The following ATR variants were observed in gnomAD, a reference collection of about 807,000 sequenced individuals.
The protein encoded by ATR is serine/threonine-protein kinase ATR.
In ATR, 142 loss-of-function variants were observed where a neutral mutation model predicts 305.3. The observed-to-expected ratio is 0.47, with a 90% CI of 0.41 to 0.53. ATR has a LOEUF of 0.53. ATR is among the 20% of genes least tolerant of loss of function. ATR has a pLI of 0.00. For synonymous variants in ATR, 1,050 were observed against 1,068.1 expected (o/e 0.98, Z 0.33); for missense variants, 2,135 against 3,133.1 (o/e 0.68, Z 7.60).
chr3:142,480,193 CT>C (rs1237748046), intron 36 of ATR, among the ~76,000 whole-genome samples: 1 of 152,290 alleles, frequency 6.6e-6, no homozygotes, highest in Admixed American at 6.5e-5. Context: ...TTTTTCTGTT[CT>C]GTTTTTTCCC....
chr3:142,499,576 G>T, intron 31 of ATR, 51 bp downstream of exon 31: 1 of 1,555,764 alleles, frequency 6.4e-7, no homozygotes, highest in Non-Finnish European at 8.9e-7. Context: ...TTACAGGCGT[G>T]AGCCACCGCA....
chr3:142,577,605 C>T (rs2035481932), intron 1 of ATR, among the ~76,000 whole-genome samples: 1 of 152,148 alleles, frequency 6.6e-6, no homozygotes, highest in South Asian at 2.1e-4. Context: ...TTTGGATGGC[C>T]AACCAGTGGA....
chr3:142,485,705 A>G (rs2030874556), intron 35 of ATR, among the ~76,000 whole-genome samples: 1 of 152,210 alleles, frequency 6.6e-6, no homozygotes, highest in East Asian at 1.9e-4. Flanking sequence ...GTCTCTAAAG[A>G]GTGTAGGACT....
chr3:142,525,305 T>C (rs957149848), intron 21 of ATR, among the ~76,000 whole-genome samples: 2 of 152,212 alleles, frequency 1.3e-5, no homozygotes, highest in Non-Finnish European at 2.9e-5. Flanking sequence ...GGCTACAAAG[T>C]ATATTAATGT....
In ATR at chr3:142,469,335, A is replaced by G; in HGVS notation, c.6552+2T>C. The G allele has an allele frequency of 6.2e-7, 1 of 1,610,178 alleles. No individual in the cohort carries two copies. The highest frequency in any genetic ancestry group is 8.5e-7 in the Non-Finnish European group (1 of 1,176,780). On this transcript the variant is annotated splice_donor_variant, in intron 38 of 46. Transcript: ENST00000350721. LOFTEE classifies it high-confidence loss of function. ...ATATAAAAAGGTAAAAGACCCTTTT[A>G]CCTTTGACACAGCTGTCATCATCCA...
At chr3:142,567,298 T>C (rs1476659302) in intron 2 of ATR, among the ~76,000 whole-genome samples, 5 of 152,178 alleles carry the variant, frequency 3.3e-5, no homozygotes, top group Non-Finnish European at 1.5e-5. Flanking sequence ...AAATGATTCC[T>C]AGATGAGGAG....
At chr3:142,470,225 A>G (rs747447395) in intron 36 of ATR, 42 bp from the exon 37 acceptor site, 2 of 1,431,672 alleles carry the variant, frequency 1.4e-6, no homozygotes, top group Non-Finnish European at 1.9e-6. Flanking sequence ...CATAGCTGTC[A>G]TTTTTATATT....
intron 46 of ATR, chr3:142,452,720 T>C: frequency 9.4e-7 from 1 of 1,066,136 alleles, no homozygotes; most frequent in African/African-American, 1.7e-5. Context: ...AACAAAACTA[T>C]CTGCAAACTT....
At chr3:142,457,867 T>C in intron 44 of ATR, 112 bp from the exon 45 acceptor site, 1 of 1,193,980 alleles carries the variant, frequency 8.4e-7, no homozygotes, top group Non-Finnish European at 1.2e-6. Context: ...ACCCTCAAAA[T>C]ATTTATGTTG....
chr3:142,450,853 G>A (rs900610092), intron 46 of ATR: 1 of 1,346,842 alleles, frequency 7.4e-7, no homozygotes, highest in Non-Finnish European at 9.6e-7. Flanking sequence ...ATTTCTGGAA[G>A]TGTTCTCCGA....
chr3:142,527,497 G>A (rs1268566131), intron 21 of ATR, among the ~76,000 whole-genome samples: 2 of 151,894 alleles, frequency 1.3e-5, no homozygotes, highest in Non-Finnish European at 2.9e-5. Flanking sequence ...TGTGTAAAAG[G>A]GTACAAAGTA....
intron 35 of ATR, among the ~76,000 whole-genome samples, chr3:142,487,359 A>G (rs537846085): frequency 1.3e-5 from 2 of 151,396 alleles, no homozygotes; most frequent in Non-Finnish European, 2.9e-5. Flanking sequence ...CTGGCCTTGA[A>G]CTCCTCAGCT....
At chr3:142,499,155 AC>A in intron 31 of ATR, 1 of 392,396 alleles carries the variant, frequency 2.5e-6, no homozygotes, top group Non-Finnish European at 4.8e-6. Flanking sequence ...CACTGAGATT[AC>A]AGGTGTGAGC....
At chr3:142,450,413 C>G in intron 46 of ATR, 1 of 1,582,762 alleles carries the variant, frequency 6.3e-7, no homozygotes, top group Non-Finnish European at 8.6e-7. Flanking sequence ...TCTTCTTTCA[C>G]TTGTGACAAG....
At chr3:142,533,109 G>A (rs534136377) in intron 21 of ATR, among the ~76,000 whole-genome samples, 1 of 151,958 alleles carries the variant, frequency 6.6e-6, no homozygotes, top group Non-Finnish European at 1.5e-5. Flanking sequence ...GACCAGCCTG[G>A]GCAACATAGC....
rs564684893 is a variant in ATR, at chr3:142,481,133, G to A, written c.6221+4007C>T. On this transcript the variant is annotated intron_variant, in intron 36 of 46. Coordinates refer to ENST00000350721, the MANE Select transcript of ATR (RefSeq NM_001184.4). ...TGACAAGCCCCAGTGAGATGAACCC[G>A]GTACCTCAGTTGGAAATGCAGAAAT... Among the ~76,000 whole-genome samples the A allele has an allele frequency of 1.9e-3, 296 of 152,314 alleles. 1 individual carries two copies. Among genetic ancestry groups the A allele is most frequent in the African/African-American group, 6.2e-3 (257 of 41,576 alleles).
chr3:142,572,109 G>A (rs986349349), intron 1 of ATR, among the ~76,000 whole-genome samples: 125 of 147,528 alleles, frequency 8.5e-4, no homozygotes, highest in African/African-American at 2.9e-3. Context: ...TCGCTCTGTC[G>A]CCCAGGCTGG....
intron 16 of ATR, among the ~76,000 whole-genome samples, chr3:142,546,700 G>A (rs1234103664): frequency 6.6e-6 from 1 of 152,108 alleles, no homozygotes; most frequent in African/African-American, 2.4e-5. Context: ...AAGCAAAAAA[G>A]AAAATCAAGA....
intron 24 of ATR, among the ~76,000 whole-genome samples, chr3:142,518,312 C>T (rs1443007737): frequency 6.6e-6 from 1 of 152,108 alleles, no homozygotes; most frequent in African/African-American, 2.4e-5. Flanking sequence ...CACTTAAGGC[C>T]AGGAGACCAG....
Sources: gnomAD v4.1 joint callset for allele counts (sites outside exome capture counted in the v4.1 genomes callset) on GRCh38, gnomAD v4.1.1 for gene constraint, MANE v1.5 for transcripts, NCBI Gene and HGNC (gene_info 2026-07-23, HGNC 2026-07-21) for gene names.